Variants in AVL9 observed in about 807,000 individuals in gnomAD.
The protein encoded by AVL9 is AVL9 cell migration associated.
In AVL9, 49 loss-of-function variants were observed where a neutral mutation model predicts 79.2. The observed-to-expected ratio is 0.62, with a 90% CI of 0.49 to 0.79. The LOEUF (loss-of-function observed/expected upper bound fraction) is 0.79. Ranked by LOEUF, AVL9 falls within the 30% of genes least tolerant of loss-of-function variation. The probability of loss-of-function intolerance (pLI) is 0.00; values close to 1 mark genes in which losing one functional copy is unlikely to be tolerated. For missense variants in AVL9, 682 were observed against 776.8 expected (o/e 0.88, Z 1.45); for synonymous variants, 299 against 280.6 (o/e 1.07, Z -0.65).
chr7:32,501,581 C>T (rs1787128985), intron 1 of AVL9, among the ~76,000 whole-genome samples: 1 of 152,158 alleles, frequency 6.6e-6, no homozygotes, highest in African/African-American at 2.4e-5. Context: ...ATTGACAGAA[C>T]AATGGAATAG....
intron 1 of AVL9, among the ~76,000 whole-genome samples, chr7:32,496,270 C>T (rs1297916509): frequency 6.6e-6 from 1 of 152,212 alleles, no homozygotes; most frequent in East Asian, 1.9e-4. Context: ...CATGCAGCCT[C>T]CGTAGAAAAA....
At position 32,544,787 on chromosome 7, in the gene AVL9, A is replaced by G; in HGVS notation, c.300+8A>G. The G allele has an allele frequency of 1.9e-6, 3 of 1,606,978 alleles. No individual in the cohort carries two copies. The highest frequency in any genetic ancestry group is 2.6e-6 in the Non-Finnish European group (3 of 1,174,386). On this transcript the variant is annotated splice_region_variant and intron_variant, in intron 3 of 15. Coordinates refer to ENST00000318709, the MANE Select transcript of AVL9 (RefSeq NM_015060.3). ...CGACAAATTGAAGCCAAGGTACGAT[A>G]GTTAATAGTGAAAAACAATTCCAAA...
chr7:32,546,499 C>T (rs1288347970), intron 3 of AVL9, among the ~76,000 whole-genome samples: 1 of 152,048 alleles, frequency 6.6e-6, no homozygotes, highest in Non-Finnish European at 1.5e-5. Context: ...CAATTTTTGT[C>T]AATTATACCT....
intron 6 of AVL9, 149 bp downstream of exon 6, chr7:32,552,444 T>C (rs996576353): frequency 1.4e-5 from 8 of 566,382 alleles, no homozygotes; most frequent in South Asian, 6.7e-5. Context: ...TTAAATATCT[T>C]CTTAGCCAGT....
intron 1 of AVL9, among the ~76,000 whole-genome samples, chr7:32,504,733 G>A (rs1787329863): frequency 6.6e-6 from 1 of 152,162 alleles, no homozygotes; most frequent in East Asian, 1.9e-4. Context: ...TCCAGGACAG[G>A]CAGAAGTAAT....
chr7:32,576,782 G>A (rs184248876), intron 13 of AVL9, among the ~76,000 whole-genome samples: 3 of 151,756 alleles, frequency 2.0e-5, no homozygotes, highest in East Asian at 3.9e-4. Flanking sequence ...GGGAGACTTT[G>A]TCTCAAAAGA....
In AVL9 at chr7:32,576,057, C is replaced by A. The variant is rs199701989; in HGVS notation, c.1673C>A (p.Ala558Glu). The A allele has an allele frequency of 3.1e-4, 504 of 1,612,964 alleles. 9 individuals carry two copies. In the South Asian group the frequency reaches 5.2e-3, roughly 17 times the overall value. Residue 558 changes from alanine to glutamate, a missense_variant, in exon 13 of 16, where the codon GCA becomes GAA. Physicochemically the swap from Ala to Glu is moderately radical, Grantham distance 107. Coordinates refer to ENST00000318709, the MANE Select transcript of AVL9 (RefSeq NM_015060.3). ...AACAGCAACAAGCATCCAGCACTTG[C>A]AGAAATAAATCCAAAGTAAGCGCGT... ...VWNSNKHPAL[A>E]EINPNHPFQG...
At chr7:32,581,530 A>G (rs948507571) in intron 15 of AVL9, 5 of 152,254 alleles carry the variant, frequency 3.3e-5, no homozygotes, top group Admixed American at 1.3e-4. Flanking sequence ...GAATAGCCCT[A>G]TTATCTATTA....
chr7:32,516,752 A>G (rs896076894), intron 1 of AVL9, among the ~76,000 whole-genome samples: 1 of 139,086 alleles, frequency 7.2e-6, no homozygotes, highest in Non-Finnish European at 1.6e-5. Flanking sequence ...CCATTCCACT[A>G]AACCCTAGGC....
At chr7:32,520,963 G>T (rs964890679) in intron 1 of AVL9, among the ~76,000 whole-genome samples, 1 of 152,020 alleles carries the variant, frequency 6.6e-6, no homozygotes. Flanking sequence ...TAAGTCACAC[G>T]AGATCTGATG....
chr7:32,563,673 A>G (rs1470841662), intron 10 of AVL9, among the ~76,000 whole-genome samples: 2 of 151,904 alleles, frequency 1.3e-5, no homozygotes, highest in African/African-American at 4.8e-5. Context: ...GTGGTATTCC[A>G]CTTTTATGTG....
At position 32,579,554 on chromosome 7, in the gene AVL9, ATAT is replaced by A. The variant is rs1284996902; in HGVS notation, c.1689-661_1689-659del. Among the ~76,000 whole-genome samples the A allele has an allele frequency of 1.3e-3, 5 of 3,838 alleles. 1 individual carries two copies. The highest frequency in any genetic ancestry group is 6.2e-3 in the African/African-American group (5 of 804). The allele number at this position is 3,838 out of a possible 152,430, so 2.5% of individuals were successfully genotyped here. A position where few individuals can be genotyped will look rare whatever the true frequency, so the allele number is the denominator to read the frequency against. ...TATTATATTATATATTATATATTAT[ATAT>A]TATATTATATATTATATTATATATT... On this transcript the variant is annotated intron_variant, in intron 13 of 15. Coordinates refer to ENST00000318709, the MANE Select transcript of AVL9 (RefSeq NM_015060.3).
chr7:32,562,244 G>C (rs1449460906), intron 10 of AVL9, among the ~76,000 whole-genome samples: 1 of 150,914 alleles, frequency 6.6e-6, no homozygotes, highest in Non-Finnish European at 1.5e-5. Flanking sequence ...ACAATAAAAA[G>C]AGGTGCCTAT....
intron 1 of AVL9, among the ~76,000 whole-genome samples, chr7:32,503,010 C>A (rs1787209743): frequency 6.6e-6 from 1 of 152,132 alleles, no homozygotes; most frequent in African/African-American, 2.4e-5. Context: ...ATGACTCAGT[C>A]ATGGGTTTTG....
At position 32,509,554 on chromosome 7, in the gene AVL9, AG is replaced by A. The variant is rs554600886; in HGVS notation, c.93+13754del. Among the ~76,000 whole-genome samples the A allele has an allele frequency of 2.1e-3, 325 of 152,270 alleles. 3 individuals carry two copies. The highest frequency in any genetic ancestry group is 7.5e-3 in the African/African-American group (313 of 41,554). On this transcript the variant is annotated intron_variant, in intron 1 of 15. Transcript: ENST00000318709. The stretch of plus-strand genomic sequence containing the variant: ...AGTTCCATTGAGAAACCAGTTCCAA[AG>A]GTAGAGGCTTGTATATCCTAGCTGA...
intron 10 of AVL9, among the ~76,000 whole-genome samples, chr7:32,568,198 T>C (rs1355615137): frequency 7.5e-6 from 1 of 133,238 alleles, no homozygotes; most frequent in African/African-American, 3.3e-5. Context: ...TATTCTTTTA[T>C]TTATTTATTT....
intron 1 of AVL9, among the ~76,000 whole-genome samples, chr7:32,540,122 A>G (rs1198507221): frequency 6.6e-6 from 1 of 152,244 alleles, no homozygotes; most frequent in Admixed American, 6.5e-5. Context: ...TTATCAGTAT[A>G]TATGAATCTG....
chr7:32,547,287 A>G (rs1024496599), intron 3 of AVL9, among the ~76,000 whole-genome samples: 3 of 152,226 alleles, frequency 2.0e-5, no homozygotes, highest in Admixed American at 6.5e-5. Flanking sequence ...CCATTTTTGC[A>G]TATTATCTTA....
At chr7:32,558,847 T>C in intron 9 of AVL9, 82 bp from the exon 10 acceptor site, 1 of 1,256,292 alleles carries the variant, frequency 8.0e-7, no homozygotes, top group Middle Eastern at 2.6e-4. Flanking sequence ...TTAAATTTTA[T>C]AGGGGAGTCT....
Sources: gnomAD v4.1 joint callset for allele counts (sites outside exome capture counted in the v4.1 genomes callset) on GRCh38, gnomAD v4.1.1 for gene constraint, MANE v1.5 for transcripts, NCBI Gene and HGNC (gene_info 2026-07-23, HGNC 2026-07-21) for gene names.